GSE1: variants seen among roughly 807,000 people sequenced by gnomAD.
The protein encoded by GSE1 is Gse1 coiled-coil protein.
Under a neutral mutation model 112.6 loss-of-function variants are expected in GSE1, and 32 were observed. The observed-to-expected ratio is 0.28, with a 90% confidence interval of 0.21 to 0.38. The LOEUF (loss-of-function observed/expected upper bound fraction) is 0.38. GSE1 is among the 10% of genes least tolerant of loss of function. The probability of loss-of-function intolerance (pLI) is 1.00; values close to 1 mark genes in which losing one functional copy is unlikely to be tolerated. For synonymous variants in GSE1, 1,115 were observed against 735.6 expected (o/e 1.52, Z -8.35); for missense variants, 2,348 against 1,699.2 (o/e 1.38, Z -6.71).
chr16:85,651,941 G>C (rs1567722842), intron 3 of GSE1, among the ~76,000 whole-genome samples: 2 of 152,226 alleles, frequency 1.3e-5, no homozygotes, highest in African/African-American at 4.8e-5. Flanking sequence ...CTAGGAACAG[G>C]GTGTGTCCTT....
chr16:85,617,076 C>T (rs879782552), intron 1 of GSE1, among the ~76,000 whole-genome samples: 2 of 152,236 alleles, frequency 1.3e-5, no homozygotes, highest in Admixed American at 6.5e-5. Context: ...CGTTTGGCCA[C>T]GTCCCTGTCC....
intron 1 of GSE1, among the ~76,000 whole-genome samples, chr16:85,588,369 G>C (rs958159013): frequency 7.9e-5 from 12 of 152,126 alleles, no homozygotes; most frequent in Non-Finnish European, 1.8e-4. Context: ...GCGGGCCTTG[G>C]GGGGCCCGTG....
At chr16:85,670,407 C>G (rs978801047) in intron 14 of GSE1, among the ~76,000 whole-genome samples, 3 of 151,914 alleles carry the variant, frequency 2.0e-5, no homozygotes, top group Admixed American at 6.6e-5. Context: ...GTTGCTCCAT[C>G]CTTGTTGAAT....
chr16:85,517,711 T>C lies in GSE1; in HGVS notation c.2465-116203T>C, dbSNP rs2051999836. On this transcript the variant is annotated intron_variant, in intron 2 of 2. Coordinates refer to the GSE1 transcript ENST00000637419. Reference sequence around the variant, plus strand: ...CACCAGCAGAGCATCTTGCAGTCGGTCATTCCATTTCATTTCTGGTCTTCG... The same window carrying C: ...CACCAGCAGAGCATCTTGCAGTCGGCCATTCCATTTCATTTCTGGTCTTCG... Among the ~76,000 whole-genome samples the C allele has an allele frequency of 2.0e-5, 3 of 152,240 alleles. No homozygotes were observed. The South Asian group carries it at 6.2e-4, about 32-fold the overall frequency.
chr16:85,433,123 G>T (rs2049160670), intron 2 of GSE1, among the ~76,000 whole-genome samples: 3 of 152,008 alleles, frequency 2.0e-5, no homozygotes, highest in Admixed American at 1.3e-4. Context: ...GCCCCAGGCA[G>T]GTGCTCTCTT....
chr16:85,288,928 G>A (rs1484797659), intron 1 of GSE1, among the ~76,000 whole-genome samples: 1 of 152,120 alleles, frequency 6.6e-6, no homozygotes, highest in Non-Finnish European at 1.5e-5. Flanking sequence ...CCTGAGAAAT[G>A]GTGTGCCTAG....
chr16:85,292,579 G>A (rs1180840901), intron 1 of GSE1, among the ~76,000 whole-genome samples: 3 of 152,000 alleles, frequency 2.0e-5, no homozygotes, highest in Middle Eastern at 3.2e-3. Context: ...CACCTGCCTC[G>A]GCCCCCCAAA....
intron 1 of GSE1, among the ~76,000 whole-genome samples, chr16:85,188,177 C>G (rs2074746977): frequency 6.6e-6 from 1 of 152,210 alleles, no homozygotes; most frequent in Non-Finnish European, 1.5e-5. Context: ...GCTCCCAGTG[C>G]TCATCTGAGA....
intron 1 of GSE1, among the ~76,000 whole-genome samples, chr16:85,561,336 C>T (rs1018962314): frequency 6.6e-6 from 1 of 152,180 alleles, no homozygotes; most frequent in Non-Finnish European, 1.5e-5. Context: ...CCTGGGCAGT[C>T]TGGCTCCAGA....
chr16:85,573,125 A>T (rs925246635), intron 1 of GSE1, among the ~76,000 whole-genome samples: 2 of 152,098 alleles, frequency 1.3e-5, no homozygotes, highest in East Asian at 1.9e-4. Context: ...CGGCCTCACA[A>T]AGTGCTGGGA....
chr16:85,420,754 G>C (rs1008395967), intron 2 of GSE1, among the ~76,000 whole-genome samples: 1 of 152,226 alleles, frequency 6.6e-6, no homozygotes, highest in Non-Finnish European at 1.5e-5. Flanking sequence ...GGAGCCAAGG[G>C]CAGGTGGCTT....
chr16:85,273,941 C>T lies in GSE1; in HGVS notation c.2284-83522C>T, dbSNP rs138238421. ...CGAACTCCTGACCTCAGGTGATCCA[C>T]CCACCTCGGCCTCCCAAAGTGCTGG... On this transcript the variant is annotated intron_variant, in intron 1 of 2. Coordinates refer to the GSE1 transcript ENST00000637419. Among the ~76,000 whole-genome samples the T allele has an allele frequency of 9.7e-4, 146 of 150,786 alleles. 2 individuals carry two copies. The East Asian group carries it at 0.028, about 29-fold the overall frequency.
chr16:85,451,921 A>C (rs2049693693), intron 2 of GSE1, among the ~76,000 whole-genome samples: 1 of 152,160 alleles, frequency 6.6e-6, no homozygotes, highest in Admixed American at 6.5e-5. Context: ...ATAACAGGCC[A>C]CCTGGCTTGA....
chr16:85,185,678 C>T (rs533114884), intron 1 of GSE1, among the ~76,000 whole-genome samples: 2 of 152,240 alleles, frequency 1.3e-5, no homozygotes, highest in South Asian at 4.1e-4. Context: ...AAACGTCCCC[C>T]GTGTCTGGCT....
At chr16:85,468,901 A>G (rs1287836047) in intron 2 of GSE1, among the ~76,000 whole-genome samples, 2 of 152,210 alleles carry the variant, frequency 1.3e-5, no homozygotes, top group Non-Finnish European at 2.9e-5. Context: ...ACTTATTTGG[A>G]AATAGTTTCT....
chr16:85,573,034 T>A (rs552074108), intron 1 of GSE1, among the ~76,000 whole-genome samples: 3 of 152,198 alleles, frequency 2.0e-5, no homozygotes, highest in African/African-American at 7.2e-5. Flanking sequence ...CACACCTAGC[T>A]AATTTTTGTA....
At chr16:85,378,820 C>G (rs1189775422) in intron 2 of GSE1, among the ~76,000 whole-genome samples, 1 of 152,208 alleles carries the variant, frequency 6.6e-6, no homozygotes. Flanking sequence ...TACCCCCGTG[C>G]TGCTCTGCAG....
chr16:85,540,427 C>T (rs1042047362), intron 2 of GSE1, among the ~76,000 whole-genome samples: 9 of 152,332 alleles, frequency 5.9e-5, no homozygotes, highest in Middle Eastern at 3.4e-3. Context: ...CCTATCGGAT[C>T]CCCAACTTGT....
intron 1 of GSE1, among the ~76,000 whole-genome samples, chr16:85,577,811 C>G (rs2046289508): frequency 1.3e-5 from 2 of 152,216 alleles, no homozygotes; most frequent in African/African-American, 4.8e-5. Context: ...GGCTTGGGTT[C>G]CAGGTTTCCC....
Sources: gnomAD v4.1 joint callset for allele counts (sites outside exome capture counted in the v4.1 genomes callset) on GRCh38, gnomAD v4.1.1 for gene constraint, MANE v1.5 for transcripts, NCBI Gene and HGNC (gene_info 2026-07-23, HGNC 2026-07-21) for gene names.